Variants in KCNIP4 observed in about 807,000 individuals in gnomAD.
The protein encoded by KCNIP4 is potassium voltage-gated channel interacting protein 4.
Under a neutral mutation model 34.0 loss-of-function variants are expected in KCNIP4, and 12 were observed. The observed-to-expected ratio is 0.35, with a 90% CI of 0.23 to 0.57. The LOEUF is 0.57. Among genes scored for constraint, KCNIP4 ranks in the 20% least tolerant of loss-of-function variants. KCNIP4 has a pLI of 0.83. For missense variants in KCNIP4, 238 were observed against 311.7 expected, an observed-to-expected ratio of 0.76 and a Z score of 1.78; for synonymous variants, 124 against 102.2, an observed-to-expected ratio of 1.21 and a Z score of -1.29.
At chr4:21,049,630 G>T (rs1742757146) in intron 1 of KCNIP4, among the ~76,000 whole-genome samples, 1 of 152,226 alleles carries the variant, frequency 6.6e-6, no homozygotes, top group African/African-American at 2.4e-5. Flanking sequence ...TACCCAGAAA[G>T]TTCTGCATGG....
chr4:21,310,537 G>T (rs1713037332), intron 1 of KCNIP4, among the ~76,000 whole-genome samples: 1 of 152,146 alleles, frequency 6.6e-6, no homozygotes, highest in Non-Finnish European at 1.5e-5. Context: ...TCTTAGGATT[G>T]AGTGAATAGA....
intron 1 of KCNIP4, among the ~76,000 whole-genome samples, chr4:21,040,996 C>T (rs568632920): frequency 6.6e-6 from 1 of 151,614 alleles, no homozygotes; most frequent in South Asian, 2.1e-4. Flanking sequence ...AGACCAGACC[C>T]ATCAATGCCT....
At chr4:21,679,024 A>G (rs1012752304) in intron 1 of KCNIP4, among the ~76,000 whole-genome samples, 6 of 152,208 alleles carry the variant, frequency 3.9e-5, no homozygotes, top group African/African-American at 1.4e-4. Context: ...CATAGATGGC[A>G]TGAAGACATA....
intron 1 of KCNIP4, among the ~76,000 whole-genome samples, chr4:21,071,813 C>T (rs1238923147): frequency 1.3e-5 from 2 of 152,068 alleles, no homozygotes; most frequent in Non-Finnish European, 2.9e-5. Flanking sequence ...CCACAACAGT[C>T]CCCGGTGTGT....
chr4:21,099,300 A>G (rs12646316), intron 1 of KCNIP4, among the ~76,000 whole-genome samples: 24,229 of 152,158 alleles, frequency 0.16, 2,030 homozygotes, highest in East Asian at 0.23. Flanking sequence ...AAAAATGAAT[A>G]AGATCATGCC....
In KCNIP4 at chr4:20,768,762, G is replaced by A. The variant is rs543516750; in HGVS notation, c.289-9872C>T. On this transcript the variant is annotated intron_variant, in intron 3 of 8. Coordinates refer to ENST00000382152, the MANE Select transcript of KCNIP4 (RefSeq NM_025221.6). ...GGATATTTTCTTGTTTCCAAAATCT[G>A]CATTAACTGCCTCTTCCATTTCCTG... Among the ~76,000 whole-genome samples the A allele has an allele frequency of 7.9e-5, 12 of 152,240 alleles. No homozygotes were observed. In the South Asian group the frequency reaches 2.5e-3, roughly 32 times the overall value.
chr4:21,140,620 A>G (rs6821630), intron 1 of KCNIP4, among the ~76,000 whole-genome samples: 80,289 of 151,914 alleles, frequency 0.53, 21,811 homozygotes, highest in African/African-American at 0.64. Context: ...AACCCTCAAT[A>G]TTCTCTTATC....
In KCNIP4 at chr4:21,354,536, C is replaced by T. The variant is rs1011862334; in HGVS notation, c.62-471827G>A. ...AAATAGGCTTTAAACCAACAAAGAT[C>T]GAAAGAGACAAAGAAGGCCATTAAA... On this transcript the variant is annotated intron_variant, in intron 1 of 8. Transcript: ENST00000382152. Among the ~76,000 whole-genome samples the T allele has an allele frequency of 5.9e-5, 9 of 152,068 alleles. No homozygotes were observed. In the East Asian group the frequency reaches 1.5e-3, roughly 26 times the overall value.
At chr4:21,157,938 C>T (rs1443755614) in intron 1 of KCNIP4, among the ~76,000 whole-genome samples, 2 of 151,306 alleles carry the variant, frequency 1.3e-5, no homozygotes, top group Non-Finnish European at 2.9e-5. Context: ...TCTAGCCAGG[C>T]TAATCAGAAA....
At chr4:21,875,399 A>G (rs148689278) in intron 1 of KCNIP4, among the ~76,000 whole-genome samples, 1 of 152,306 alleles carries the variant, frequency 6.6e-6, no homozygotes, top group African/African-American at 2.4e-5. Context: ...GATAGAAATA[A>G]GTATTTCTGT....
At chr4:20,732,306 G>A (rs1748504443) in intron 7 of KCNIP4, among the ~76,000 whole-genome samples, 1 of 152,162 alleles carries the variant, frequency 6.6e-6, no homozygotes, top group African/African-American at 2.4e-5. Flanking sequence ...TCTGTCCTAG[G>A]TAAAATCCCA....
intron 3 of KCNIP4, among the ~76,000 whole-genome samples, chr4:20,787,855 C>T (rs1168561708): frequency 6.6e-6 from 1 of 151,708 alleles, no homozygotes; most frequent in Non-Finnish European, 1.5e-5. Context: ...TTAAAGCAAC[C>T]ATGTCTTCTT....
chr4:20,769,555 A>G (rs935243366), intron 3 of KCNIP4, among the ~76,000 whole-genome samples: 1 of 152,222 alleles, frequency 6.6e-6, no homozygotes, highest in African/African-American at 2.4e-5. Flanking sequence ...GACAAAGCCT[A>G]TGTATCAGTT....
intron 1 of KCNIP4, among the ~76,000 whole-genome samples, chr4:21,550,731 T>C (rs1393673377): frequency 6.6e-6 from 1 of 152,108 alleles, no homozygotes; most frequent in Non-Finnish European, 1.5e-5. Flanking sequence ...GAATAGAAGA[T>C]TCCAGGACAG....
rs765180985 is a variant in KCNIP4, at chr4:21,871,290, C to T, written c.61+77281G>A. 3.3e-3 allele frequency among the ~76,000 whole-genome samples: 455 copies of T among 137,390 alleles called. 3 individuals are homozygous for T. The highest frequency in any genetic ancestry group is 6.3e-3 in the Non-Finnish European group (405 of 64,052). The allele number at this position is 137,390 out of a possible 152,430, so 90.1% of individuals were successfully genotyped here. A position where few individuals can be genotyped will look rare whatever the true frequency, so the allele number is the denominator to read the frequency against. On this transcript the variant is annotated intron_variant, in intron 1 of 8. Transcript: ENST00000382152. ...CCTCCCCCCACCCCACAACAGGCCC[C>T]GGTGTGTGATGTTCCCCATATAAAT...
At chr4:20,815,877 C>T (rs1716311347) in intron 3 of KCNIP4, among the ~76,000 whole-genome samples, 1 of 152,164 alleles carries the variant, frequency 6.6e-6, no homozygotes. Context: ...ATAACTTTCT[C>T]AAGGTTCCCA....
Position 21,363,387 on chromosome 4 carries a change from T to C in KCNIP4, c.62-480678A>G, listed in dbSNP as rs1241397534. On this transcript the variant is annotated intron_variant, in intron 1 of 8. Transcript: ENST00000382152. ...AAGAGATACACTCAAAACCTTTACC[T>C]AGCCTCACAGGGGTTTATCCTTGTA... Among the ~76,000 whole-genome samples the C allele has an allele frequency of 2.6e-5, 4 of 152,124 alleles. No homozygotes were observed. The East Asian group carries it at 7.7e-4, about 29-fold the overall frequency.
Position 20,729,418 on chromosome 4 carries a change from A to AAATGCTTATTAAAATAAGTTTT in KCNIP4, c.*642_*663dup, listed in dbSNP as rs1263042542. ...TGGCTGTAACATATTATGGAAAATT[A>AAATGCTTATTAAAATAAGTTTT]AATGCTTATTAAAATAAGTTTTATT... On this transcript the variant is annotated 3_prime_UTR_variant, in exon 9 of 9. Coordinates refer to ENST00000382152, the MANE Select transcript of KCNIP4 (RefSeq NM_025221.6). 1 of 152,256 alleles carries AAATGCTTATTAAAATAAGTTTT rather than the reference A, an allele frequency of 6.6e-6. No individual in the cohort carries two copies. The highest frequency in any genetic ancestry group is 2.4e-5 in the African/African-American group (1 of 41,356). 9.4% of individuals were successfully genotyped at this position (152,256 alleles called of 1,614,324 possible).
intron 1 of KCNIP4, among the ~76,000 whole-genome samples, chr4:21,277,782 C>A (rs896371370): frequency 1.3e-5 from 2 of 152,110 alleles, no homozygotes; most frequent in Non-Finnish European, 2.9e-5. Flanking sequence ...AGAGTTGAAG[C>A]ATTAGGCCGT....
Sources: allele counts gnomAD v4.1 joint callset (sites outside exome capture counted in the v4.1 genomes callset), GRCh38; gene constraint gnomAD v4.1.1; transcripts MANE v1.5; gene names NCBI Gene and HGNC (gene_info 2026-07-23, HGNC 2026-07-21).